The following AVEN variants were observed in gnomAD, a reference collection of about 807,000 sequenced individuals.
AVEN encodes cell death regulator Aven.
AVEN carries 41 observed loss-of-function variants against 38.1 expected under a neutral mutation model. That is an observed-to-expected ratio of 1.08 (90% CI 0.84 to 1.40). The LOEUF (loss-of-function observed/expected upper bound fraction) is 1.40. Ranked by LOEUF, AVEN falls within the 40% of genes most tolerant of loss-of-function variation. The pLI, the probability that AVEN is intolerant of heterozygous loss-of-function variation, is 0.00. For missense variants in AVEN, 605 were observed against 438.8 expected, an observed-to-expected ratio of 1.38 and a Z score of -3.38; for synonymous variants, 206 against 171.8, an observed-to-expected ratio of 1.20 and a Z score of -1.56.
intron 2 of AVEN, among the ~76,000 whole-genome samples, chr15:34,067,696 G>A (rs531479497): frequency 1.9e-4 from 29 of 152,274 alleles, no homozygotes; most frequent in Non-Finnish European, 3.5e-4. Flanking sequence ...TGAGTAAAAC[G>A]CTTTCCCTTC....
chr15:34,020,700 T>C (rs1898164843), intron 1 of AVEN, among the ~76,000 whole-genome samples: 1 of 152,212 alleles, frequency 6.6e-6, no homozygotes, highest in Non-Finnish European at 1.5e-5. Flanking sequence ...TTCAAGCCCC[T>C]TGACTGAATT....
chr15:33,977,271 ATACTCT>A (rs146181580), intron 2 of AVEN, among the ~76,000 whole-genome samples: 2,203 of 152,294 alleles, frequency 0.014, 50 homozygotes, highest in African/African-American at 0.049. Context: ...ACAAGCTCCA[ATACTCT>A]TACTCTAAGA....
chr15:34,051,154 C>T (rs891764210), intron 5 of AVEN, among the ~76,000 whole-genome samples: 2 of 152,182 alleles, frequency 1.3e-5, no homozygotes, highest in African/African-American at 4.8e-5. Flanking sequence ...GTCTGTCAGA[C>T]CACAGCGCAA....
intron 1 of AVEN, among the ~76,000 whole-genome samples, chr15:34,027,147 G>A (rs1350039134): frequency 6.6e-6 from 1 of 152,186 alleles, no homozygotes; most frequent in African/African-American, 2.4e-5. Context: ...TCCAAGGAGT[G>A]TTTATTTAAA....
intron 2 of AVEN, among the ~76,000 whole-genome samples, chr15:33,877,735 G>A (rs1891306140): frequency 6.6e-6 from 1 of 152,182 alleles, no homozygotes; most frequent in Non-Finnish European, 1.5e-5. Context: ...CGGATCATGA[G>A]GTCAGGAGTT....
rs1165832760 is a variant in AVEN, at chr15:34,033,123, G to A, written c.267+5657C>T. Among the ~76,000 whole-genome samples the A allele has an allele frequency of 1.3e-5, 2 of 152,040 alleles. 1 individual carries two copies. Among genetic ancestry groups the A allele is most frequent in the South Asian group, 4.1e-4 (2 of 4,832 alleles). ...AAGAATTGACACTGAATCCTATCTC[G>A]TGCAGGCAATAAGTAATGTTCATCC... On this transcript the variant is annotated intron_variant, in intron 1 of 5. Coordinates refer to ENST00000306730, the MANE Select transcript of AVEN (RefSeq NM_020371.3).
At chr15:34,025,014 T>C (rs1898391359) in intron 1 of AVEN, among the ~76,000 whole-genome samples, 1 of 151,224 alleles carries the variant, frequency 6.6e-6, no homozygotes, top group African/African-American at 2.4e-5. Flanking sequence ...CTACTAAAAA[T>C]ACAAAAATTA....
chr15:33,993,681 C>T (rs1465272564), intron 2 of AVEN, among the ~76,000 whole-genome samples: 1 of 152,072 alleles, frequency 6.6e-6, no homozygotes, highest in Non-Finnish European at 1.5e-5. Flanking sequence ...ATCATCCAGG[C>T]CAGGAAATAG....
At chr15:33,881,779 G>C (rs1352782472) in intron 2 of AVEN, among the ~76,000 whole-genome samples, 1 of 152,148 alleles carries the variant, frequency 6.6e-6, no homozygotes, top group African/African-American at 2.4e-5. Context: ...AGATAGCAAG[G>C]GGTATTCACA....
At chr15:33,992,229 A>T (rs1282106531) in intron 2 of AVEN, among the ~76,000 whole-genome samples, 1 of 152,184 alleles carries the variant, frequency 6.6e-6, no homozygotes, top group Non-Finnish European at 1.5e-5. Context: ...CTACTAAAAA[A>T]ATACAAAACA....
intron 2 of AVEN, among the ~76,000 whole-genome samples, chr15:33,986,435 TAAAC>T (rs1408930684): frequency 6.6e-6 from 1 of 151,936 alleles, no homozygotes; most frequent in Non-Finnish European, 1.5e-5. Flanking sequence ...AAACTCTGTA[TAAAC>T]ACAAGGCAGA....
upstream of AVEN, among the ~76,000 whole-genome samples, chr15:34,039,361 T>C (rs1329970466): frequency 6.7e-6 from 1 of 150,124 alleles, no homozygotes; most frequent in Non-Finnish European, 1.5e-5. Flanking sequence ...GAGACCGTGC[T>C]AAGTGCAAGG....
At chr15:33,854,580 G>T, downstream of AVEN, 1 of 1,056,414 alleles carries the variant, frequency 9.5e-7, no homozygotes. Context: ...ATACGTGCTG[G>T]GGGAACACTT....
chr15:33,929,381 G>A (rs1199167045), intron 2 of AVEN, among the ~76,000 whole-genome samples: 3 of 152,156 alleles, frequency 2.0e-5, no homozygotes, highest in Non-Finnish European at 4.4e-5. Context: ...AATTTCAAGT[G>A]AGTTGCCCAC....
chr15:33,893,294 T>C lies in AVEN; in HGVS notation c.446-17299A>G, dbSNP rs1892066021. On this transcript the variant is annotated intron_variant, in intron 2 of 5. Transcript: ENST00000306730. ...GGTGACAGAGGGCATCCTTGTCTTG[T>C]GCCAGTTTTCAAAGGGAATGCTTCC... 2.0e-5 allele frequency among the ~76,000 whole-genome samples: 3 copies of C among 152,350 alleles called. No individual in the cohort carries two copies. The South Asian group carries it at 6.2e-4, about 32-fold the overall frequency.
In AVEN at chr15:34,023,025, A is replaced by T. The variant is rs946223016; in HGVS notation, c.267+15755T>A. Among the ~76,000 whole-genome samples the T allele has an allele frequency of 2.0e-5, 3 of 152,268 alleles. No individual in the cohort carries two copies. In the East Asian group the frequency reaches 5.8e-4, roughly 29 times the overall value. On this transcript the variant is annotated intron_variant, in intron 1 of 5. Transcript: ENST00000306730. ...ACATGGTGAAACCCCCATCTCTACT[A>T]AAAACACAAAAATTAGCCTGGCGTG... is the stretch of plus-strand genomic sequence containing the variant.
At chr15:34,026,819 G>A (rs762430967) in intron 1 of AVEN, among the ~76,000 whole-genome samples, 7 of 152,120 alleles carry the variant, frequency 4.6e-5, no homozygotes, top group Non-Finnish European at 5.9e-5. Context: ...CTTCCCCTGC[G>A]GTCTTTTGTT....
chr15:33,918,193 T>C (rs1306852731), intron 2 of AVEN, among the ~76,000 whole-genome samples: 1 of 152,146 alleles, frequency 6.6e-6, no homozygotes, highest in Non-Finnish European at 1.5e-5. Context: ...TTCTCATACG[T>C]ATCTAAGCAA....
In AVEN at chr15:34,063,727, T is replaced by C; in HGVS notation, n.1127-295A>G. The C allele has an allele frequency of 6.2e-7, 1 of 1,614,196 alleles. No individual in the cohort carries two copies. On this transcript the variant is annotated intron_variant and non_coding_transcript_variant, in intron 4 of 11. Coordinates refer to the AVEN transcript ENST00000675287. This position sits in a 1 kb window ranked among gnomAD's most constrained non-coding sequence, Gnocchi z 4.1. Reference sequence around the variant, plus strand: ...GGTAAGGAAAGCCCAGGGGAAGAATTCAGTGCTGAAGAGACTGAGGAAACT... The same window carrying C: ...GGTAAGGAAAGCCCAGGGGAAGAATCCAGTGCTGAAGAGACTGAGGAAACT...
Sources: gnomAD v4.1 joint callset for allele counts (sites outside exome capture counted in the v4.1 genomes callset) on GRCh38, gnomAD v4.1.1 for gene constraint, Gnocchi (gnomAD v3.1) non-coding constraint, MANE v1.5 for transcripts, NCBI Gene and HGNC (gene_info 2026-07-23, HGNC 2026-07-21) for gene names.